Variants in FOXO1 observed in about 807,000 individuals in gnomAD.
The protein encoded by FOXO1 is forkhead box protein O1.
In FOXO1, 6 loss-of-function variants were observed where a neutral mutation model predicts 44.1. That is an observed-to-expected ratio of 0.14 (90% CI 0.07 to 0.27). FOXO1 has a LOEUF of 0.27. FOXO1 is among the 10% of genes least tolerant of loss of function. The probability of loss-of-function intolerance (pLI) is 1.00; values close to 1 mark genes in which losing one functional copy is unlikely to be tolerated. For synonymous variants in FOXO1, 380 were observed against 362.7 expected (o/e 1.05, Z -0.54); for missense variants, 737 against 888.8 (o/e 0.83, Z 2.17).
intron 1 of FOXO1, among the ~76,000 whole-genome samples, chr13:40,636,633 C>T (rs1214926331): frequency 2.6e-5 from 4 of 151,676 alleles, no homozygotes; most frequent in East Asian, 1.9e-4. Context: ...ATGATTCTCC[C>T]GTCTCAGCCT....
chr13:40,650,661 G>A (rs75900759), intron 1 of FOXO1, among the ~76,000 whole-genome samples: 2,727 of 152,260 alleles, frequency 0.018, 25 homozygotes, highest in Middle Eastern at 0.044. Context: ...AGAGCAGGCA[G>A]GTAATTATTG....
chr13:40,661,063 G>A (rs1221851480), intron 1 of FOXO1, among the ~76,000 whole-genome samples: 6 of 152,278 alleles, frequency 3.9e-5, no homozygotes, highest in East Asian at 1.9e-4. Flanking sequence ...AAAACCATGC[G>A]TAAAAAGTAA....
At chr13:40,624,560 C>T (rs1240307870) in intron 1 of FOXO1, among the ~76,000 whole-genome samples, 2 of 152,098 alleles carry the variant, frequency 1.3e-5, no homozygotes, top group South Asian at 4.1e-4. Context: ...GGTGGGAACC[C>T]CAGGGCCAGA....
At chr13:40,664,931 T>A (rs944736675) in intron 1 of FOXO1, among the ~76,000 whole-genome samples, 13 of 151,584 alleles carry the variant, frequency 8.6e-5, no homozygotes, top group African/African-American at 3.1e-4. Context: ...CCTTCGCACG[T>A]GTCGGAGGCA....
intron 1 of FOXO1, among the ~76,000 whole-genome samples, chr13:40,574,704 TG>T (rs1171357921): frequency 6.6e-6 from 1 of 152,214 alleles, no homozygotes; most frequent in East Asian, 1.9e-4. Context: ...TTTTGATTAC[TG>T]AGAAAACTAA....
intron 1 of FOXO1, among the ~76,000 whole-genome samples, chr13:40,662,316 CAA>C (rs761616079): frequency 1.3e-5 from 2 of 150,884 alleles, no homozygotes; most frequent in African/African-American, 2.4e-5. Context: ...CTAATAATAT[CAA>C]AAGAGTCAAC....
At chr13:40,611,916 T>C (rs112427884) in intron 1 of FOXO1, among the ~76,000 whole-genome samples, 103 of 151,614 alleles carry the variant, frequency 6.8e-4, no homozygotes, top group African/African-American at 2.4e-3. Context: ...CTACTGAAAA[T>C]ACAAAAAATG....
At chr13:40,612,062 C>T (rs1028283058) in intron 1 of FOXO1, among the ~76,000 whole-genome samples, 3 of 152,034 alleles carry the variant, frequency 2.0e-5, no homozygotes, top group African/African-American at 7.3e-5. Context: ...CAGTGAGACC[C>T]TGTCTCAATA....
chr13:40,592,160 C>A (rs1300816665), intron 1 of FOXO1, among the ~76,000 whole-genome samples: 2 of 152,224 alleles, frequency 1.3e-5, no homozygotes, highest in African/African-American at 4.8e-5. Flanking sequence ...ATGCATTACT[C>A]TTCCAAACTG....
intron 1 of FOXO1, among the ~76,000 whole-genome samples, chr13:40,628,301 T>A (rs1876852048): frequency 6.6e-6 from 1 of 151,730 alleles, no homozygotes; most frequent in African/African-American, 2.4e-5. Flanking sequence ...CTTACCAAAC[T>A]GTACATTCTA....
intron 1 of FOXO1, among the ~76,000 whole-genome samples, chr13:40,561,351 CA>C (rs5803055): frequency 2.3e-4 from 27 of 119,544 alleles, no homozygotes; most frequent in Admixed American, 5.3e-4. Flanking sequence ...GACTCGATCT[CA>C]AAAAAAAAAA....
At chr13:40,620,903 A>G (rs964121103) in intron 1 of FOXO1, among the ~76,000 whole-genome samples, 1 of 146,724 alleles carries the variant, frequency 6.8e-6, no homozygotes, top group African/African-American at 2.5e-5. Flanking sequence ...GGTTCAAGCT[A>G]TTCTCCCATC....
intron 1 of FOXO1, among the ~76,000 whole-genome samples, chr13:40,561,713 A>G (rs578052022): frequency 4.1e-4 from 63 of 152,308 alleles, no homozygotes; most frequent in African/African-American, 1.5e-3. Flanking sequence ...TCACACCTAT[A>G]ATCCCAGCAC....
intron 1 of FOXO1, chr13:40,620,252 G>A: frequency 7.0e-7 from 1 of 1,422,666 alleles, no homozygotes; most frequent in Non-Finnish European, 9.9e-7. Flanking sequence ...ATCCATCCCG[G>A]AGAAAATAGA....
chr13:40,633,811 T>C (rs1314313935), intron 1 of FOXO1, among the ~76,000 whole-genome samples: 24 of 152,218 alleles, frequency 1.6e-4, no homozygotes, highest in Non-Finnish European at 3.1e-4. Flanking sequence ...ATCCATTTCA[T>C]ACTAAAAGAT....
At position 40,646,135 on chromosome 13, in the gene FOXO1, C is replaced by T. The variant is rs116966000; in HGVS notation, c.630+19448G>A. Among the ~76,000 whole-genome samples, 1,357 of 151,846 alleles carry T rather than the reference C, an allele frequency of 8.9e-3. 10 individuals are homozygous for T. The highest frequency in any genetic ancestry group is 0.013 in the Non-Finnish European group (855 of 67,974). On this transcript the variant is annotated intron_variant, in intron 1 of 2. Coordinates refer to ENST00000379561, the MANE Select transcript of FOXO1 (RefSeq NM_002015.4). ...AATTGAGAACAGAACAGATAGACTCCCCACAATCTACAATTTTAATTAGTC... is the reference window on the plus strand; with the variant it reads ...AATTGAGAACAGAACAGATAGACTCTCCACAATCTACAATTTTAATTAGTC...
At chr13:40,650,638 AC>A (rs1467806807) in intron 1 of FOXO1, among the ~76,000 whole-genome samples, 1 of 152,160 alleles carries the variant, frequency 6.6e-6, no homozygotes, top group Non-Finnish European at 1.5e-5. Context: ...TCCAAGACCA[AC>A]CTAAACACTC....
At chr13:40,562,365 C>G (rs1228452281) in intron 1 of FOXO1, among the ~76,000 whole-genome samples, 1 of 152,168 alleles carries the variant, frequency 6.6e-6, no homozygotes, top group Admixed American at 6.5e-5. Flanking sequence ...GGAAGAAAAA[C>G]CAACAATCTT....
intron 1 of FOXO1, among the ~76,000 whole-genome samples, chr13:40,658,033 T>C (rs1039427496): frequency 1.2e-4 from 18 of 152,148 alleles, no homozygotes; most frequent in African/African-American, 4.3e-4. Context: ...AGCCAAGACA[T>C]ACAGACATTA....
Sources: gnomAD v4.1 joint callset for allele counts (sites outside exome capture counted in the v4.1 genomes callset) on GRCh38, gnomAD v4.1.1 for gene constraint, MANE v1.5 for transcripts, NCBI Gene and HGNC (gene_info 2026-07-23, HGNC 2026-07-21) for gene names.